Variants in ZNF423 observed in about 807,000 individuals in gnomAD.
The protein encoded by ZNF423 is zinc finger protein 423, also known as Ebf-associated zinc finger protein.
In ZNF423, 12 loss-of-function variants were observed where a neutral mutation model predicts 95.8. The observed-to-expected ratio is 0.13, with a 90% confidence interval of 0.08 to 0.20. The LOEUF is 0.20. Ranked by LOEUF, ZNF423 falls within the 10% of genes least tolerant of loss-of-function variation. The pLI is 1.00. For missense variants in ZNF423, 1,316 were observed against 1,737.1 expected, an observed-to-expected ratio of 0.76 and a Z score of 4.31; for synonymous variants, 749 against 711.9, an observed-to-expected ratio of 1.05 and a Z score of -0.83.
Position 49,554,036 on chromosome 16 carries a change from C to T in ZNF423, c.3602-28542G>A, listed in dbSNP as rs753758038. Reference sequence around the variant, plus strand: ...TGCCCCTCCAGTGCCCATTCCTTTGCTGGGCTTCATGGTCCCCCCACAACA... The same window carrying T: ...TGCCCCTCCAGTGCCCATTCCTTTGTTGGGCTTCATGGTCCCCCCACAACA... On this transcript the variant is annotated intron_variant, in intron 5 of 7. Coordinates refer to ENST00000563137, the MANE Select transcript of ZNF423 (RefSeq NM_001379286.1). Among the ~76,000 whole-genome samples the T allele has an allele frequency of 3.9e-5, 6 of 152,318 alleles. No homozygotes were observed. In the South Asian group the frequency reaches 1.2e-3, roughly 32 times the overall value.
intron 5 of ZNF423, among the ~76,000 whole-genome samples, chr16:49,592,273 CTCTT>C (rs990088361): frequency 1.3e-5 from 2 of 152,120 alleles, no homozygotes; most frequent in Non-Finnish European, 2.9e-5. Context: ...TGATTTCTAT[CTCTT>C]TCTTCTGTTT....
At chr16:49,544,580 A>G (rs1969374789) in intron 5 of ZNF423, among the ~76,000 whole-genome samples, 2 of 152,244 alleles carry the variant, frequency 1.3e-5, no homozygotes, top group South Asian at 4.1e-4. Flanking sequence ...TGTCTGGTGC[A>G]TAGGTACCTA....
At chr16:49,697,994 C>T (rs1416821408) in intron 3 of ZNF423, among the ~76,000 whole-genome samples, 2 of 152,106 alleles carry the variant, frequency 1.3e-5, no homozygotes, top group Non-Finnish European at 2.9e-5. Context: ...CCCACAGCAG[C>T]ATCTGGGGGT....
intron 3 of ZNF423, among the ~76,000 whole-genome samples, chr16:49,712,717 C>T (rs2032582126): frequency 6.6e-6 from 1 of 152,264 alleles, no homozygotes; most frequent in Admixed American, 6.5e-5. Context: ...GTGCTCAGAG[C>T]ACCGGTTCCC....
At chr16:49,756,825 C>T (rs2033736164) in intron 2 of ZNF423, among the ~76,000 whole-genome samples, 1 of 152,210 alleles carries the variant, frequency 6.6e-6, no homozygotes, top group Admixed American at 6.5e-5. Flanking sequence ...GAGGACAAGT[C>T]CATTGCGAGA....
intron 1 of ZNF423, among the ~76,000 whole-genome samples, chr16:49,835,505 G>A (rs1332199913): frequency 1.3e-5 from 2 of 152,254 alleles, no homozygotes; most frequent in African/African-American, 4.8e-5. Flanking sequence ...AGGAAGGGAA[G>A]CCAGGCCACA....
At chr16:49,714,917 G>A (rs1006665913) in intron 3 of ZNF423, among the ~76,000 whole-genome samples, 1 of 152,154 alleles carries the variant, frequency 6.6e-6, no homozygotes, top group African/African-American at 2.4e-5. Flanking sequence ...GAAGGGAGGT[G>A]TGAGTTGGGT....
Position 49,505,429 on chromosome 16 carries a change from C to T in ZNF423, c.3850-14125G>A, listed in dbSNP as rs118161976. Among the ~76,000 whole-genome samples the T allele has an allele frequency of 2.8e-3, 426 of 152,274 alleles. 2 individuals carry two copies. Among genetic ancestry groups the T allele is most frequent in the Non-Finnish European group, 3.6e-3 (248 of 68,014 alleles). On this transcript the variant is annotated intron_variant, in intron 7 of 7. Transcript: ENST00000563137. ...CTCAAAATTTCTAGAAAATTAAGTC[C>T]TACAGACTAAGAACTGTTCTGGCGG...
chr16:49,760,803 T>TG (rs2033815908), intron 2 of ZNF423, among the ~76,000 whole-genome samples: 1 of 151,674 alleles, frequency 6.6e-6, no homozygotes, highest in Non-Finnish European at 1.5e-5. Flanking sequence ...AGGCGGTGGT[T>TG]GGGGTCCCCT....
In ZNF423 at chr16:49,636,279, T is replaced by A; in HGVS notation, c.2897A>T (p.His966Leu). 6.2e-7 allele frequency: 1 copy of A among 1,612,912 alleles called. No individual in the cohort carries two copies. Among genetic ancestry groups the A allele is most frequent in the Non-Finnish European group, 8.5e-7 (1 of 1,180,032 alleles). Residue 966 changes from histidine (H) to leucine (L), a missense_variant, in exon 4 of 8, where the codon CAC becomes CTC. Physicochemically the swap from His to Leu is moderately conservative, Grantham distance 99. Around this residue, in one of 6 missense-constraint regions of ZNF423, gnomAD observed 620 missense variants for 775.6 expected, o/e 0.80. Transcript: ENST00000563137. This position sits in a 1 kb window ranked among gnomAD's most constrained non-coding sequence, Gnocchi z 8.6. The part of the protein sequence containing the change: ...HLQTHRGPAK[H>L]YMCPICGERF... ...CTCACCACAGATGGGACACATGTAG[T>A]GCTTGGCAGGGCCCCGGTGCGTCTG...
chr16:49,822,876 T>C lies in ZNF423; in HGVS notation c.40+32859A>G, dbSNP rs7186878. On this transcript the variant is annotated intron_variant, in intron 1 of 7. Coordinates refer to ENST00000563137, the MANE Select transcript of ZNF423 (RefSeq NM_001379286.1). ...ACTTAACGACTTGCCCAGGTAGTCA[T>C]CTACGCAGCCAGGATTTAACTGCTT... is the stretch of plus-strand genomic sequence containing the variant. 6.3e-3 allele frequency: 3,693 copies of C among 581,924 alleles called. 103 individuals carry two copies. Among genetic ancestry groups the C allele is most frequent in the African/African-American group, 0.063 (3,286 of 51,924 alleles). The allele number at this position is 581,924 out of a possible 1,614,324, so 36.0% of individuals were successfully genotyped here. A position where few individuals can be genotyped will look rare whatever the true frequency, so the allele number is the denominator to read the frequency against.
intron 3 of ZNF423, among the ~76,000 whole-genome samples, chr16:49,682,415 A>G (rs533040368): frequency 7.9e-5 from 12 of 152,312 alleles, no homozygotes; most frequent in Non-Finnish European, 1.5e-4. Context: ...CCCGGCCCCA[A>G]GGGAGAGCCA....
intron 3 of ZNF423, among the ~76,000 whole-genome samples, chr16:49,641,623 ACACT>A (rs1446617779): frequency 2.0e-5 from 3 of 152,212 alleles, no homozygotes; most frequent in African/African-American, 4.8e-5. Flanking sequence ...AGACCAGAAG[ACACT>A]CACTCAGAGC....
chr16:49,500,974 C>T (rs144180551), intron 7 of ZNF423, among the ~76,000 whole-genome samples: 1 of 152,042 alleles, frequency 6.6e-6, no homozygotes, highest in Non-Finnish European at 1.5e-5. Context: ...ATATCTGTTG[C>T]TCTTAGTGTG....
At chr16:49,775,420 T>C (rs1352829331) in intron 2 of ZNF423, among the ~76,000 whole-genome samples, 1 of 152,190 alleles carries the variant, frequency 6.6e-6, no homozygotes, top group East Asian at 1.9e-4. Context: ...TCAACTATTA[T>C]TTGAGCTCCC....
At chr16:49,688,886 G>A (rs900454410) in intron 3 of ZNF423, among the ~76,000 whole-genome samples, 5 of 152,156 alleles carry the variant, frequency 3.3e-5, no homozygotes, top group African/African-American at 4.8e-5. Context: ...GAATGGCCAC[G>A]CTAGTATCCA....
intron 3 of ZNF423, among the ~76,000 whole-genome samples, chr16:49,729,032 G>A (rs879423157): frequency 3.9e-5 from 6 of 152,250 alleles, no homozygotes; most frequent in Admixed American, 2.0e-4. Flanking sequence ...TGCCCAGCCC[G>A]AAATGCCACC....
chr16:49,691,061 G>A (rs757211694), intron 3 of ZNF423, among the ~76,000 whole-genome samples: 20 of 152,246 alleles, frequency 1.3e-4, no homozygotes, highest in Admixed American at 2.0e-4. Context: ...AGAAGCAGCC[G>A]TCGGAGGGGG....
chr16:49,853,184 T>G, intron 1 of ZNF423, among the ~76,000 whole-genome samples: 1 of 150,232 alleles, frequency 6.7e-6, no homozygotes, highest in African/African-American at 2.5e-5. Flanking sequence ...CGCTGTTCCT[T>G]AAGAAGCACT....
Sources: gnomAD v4.1 joint callset for allele counts (sites outside exome capture counted in the v4.1 genomes callset) on GRCh38, gnomAD v4.1.1 for gene constraint, gnomAD v4.1.1 regional missense constraint, Gnocchi (gnomAD v3.1) non-coding constraint, MANE v1.5 for transcripts, NCBI Gene and HGNC (gene_info 2026-07-23, HGNC 2026-07-21) for gene names.